Variants in LHFPL2 observed in about 807,000 individuals in gnomAD.
The protein encoded by LHFPL2 is LHFPL tetraspan subfamily member 2, also known as LHFPL tetraspan subfamily member 2 protein.
In LHFPL2, 7 loss-of-function variants were observed where a neutral mutation model predicts 17.5. That is an observed-to-expected ratio of 0.40 (90% confidence interval 0.23 to 0.75). LHFPL2 has a LOEUF of 0.75. LHFPL2 is among the 30% of genes least tolerant of loss of function. The pLI, the probability that LHFPL2 is intolerant of heterozygous loss-of-function variation, is 0.37. For missense variants in LHFPL2, 241 were observed against 294.8 expected (o/e 0.82, Z 1.34); for synonymous variants, 134 against 116.2 (o/e 1.15, Z -0.99).
chr5:78,550,190 G>A (rs1024376122), intron 3 of LHFPL2, among the ~76,000 whole-genome samples: 9 of 152,302 alleles, frequency 5.9e-5, no homozygotes, highest in Non-Finnish European at 1.2e-4. Context: ...CCACCAATCT[G>A]GAGCCTCCCA....
chr5:78,626,891 G>A (rs1326515372), intron 2 of LHFPL2, among the ~76,000 whole-genome samples: 2 of 151,920 alleles, frequency 1.3e-5, no homozygotes, highest in African/African-American at 4.8e-5. Context: ...GACCAGCCTG[G>A]CCAACATGGT....
intron 2 of LHFPL2, among the ~76,000 whole-genome samples, chr5:78,601,662 G>A (rs1007928761): frequency 6.6e-6 from 1 of 152,182 alleles, no homozygotes; most frequent in South Asian, 2.1e-4. Flanking sequence ...TGTCTCTAGG[G>A]TGGGCTGAAC....
At chr5:78,507,794 T>A (rs1430261614) in intron 4 of LHFPL2, among the ~76,000 whole-genome samples, 1 of 152,178 alleles carries the variant, frequency 6.6e-6, no homozygotes, top group Non-Finnish European at 1.5e-5. Context: ...GAGGGAAAAC[T>A]AAACAGAAAT....
chr5:78,516,648 T>C (rs1053456035), intron 3 of LHFPL2, among the ~76,000 whole-genome samples: 4 of 152,352 alleles, frequency 2.6e-5, no homozygotes, highest in African/African-American at 4.8e-5. Context: ...TTCTGATGCG[T>C]ATGTCTATAA....
intron 2 of LHFPL2, among the ~76,000 whole-genome samples, chr5:78,589,467 C>A (rs1488958951): frequency 6.8e-4 from 89 of 131,466 alleles, no homozygotes; most frequent in South Asian, 7.5e-4. Context: ...AACTCCATCT[C>A]AAAAAAAAAA....
At chr5:78,598,511 G>C (rs1743900371) in intron 2 of LHFPL2, among the ~76,000 whole-genome samples, 1 of 152,136 alleles carries the variant, frequency 6.6e-6, no homozygotes, top group South Asian at 2.1e-4. Flanking sequence ...TTTTTCAAAT[G>C]GCCATTAAGT....
chr5:78,500,853 A>G (rs1409241834), intron 4 of LHFPL2, among the ~76,000 whole-genome samples: 1 of 152,180 alleles, frequency 6.6e-6, no homozygotes, highest in Non-Finnish European at 1.5e-5. Context: ...CTCATCAGTT[A>G]CTTATGCCAT....
chr5:78,630,975 G>T (rs987782880), intron 2 of LHFPL2, among the ~76,000 whole-genome samples: 1 of 152,064 alleles, frequency 6.6e-6, no homozygotes, highest in Admixed American at 6.5e-5. Flanking sequence ...CTGCCCTGAG[G>T]GTTTCTACTC....
At chr5:78,571,234 C>T (rs554548523) in intron 2 of LHFPL2, among the ~76,000 whole-genome samples, 6 of 152,104 alleles carry the variant, frequency 3.9e-5, no homozygotes, top group Non-Finnish European at 8.8e-5. Flanking sequence ...TTTTTTTGGC[C>T]TGTGTGGACC....
intron 2 of LHFPL2, among the ~76,000 whole-genome samples, chr5:78,579,306 G>T (rs73146033): frequency 6.6e-6 from 1 of 151,434 alleles, no homozygotes; most frequent in South Asian, 2.1e-4. Flanking sequence ...CTTAGTGCTC[G>T]CAAGGTTTTT....
intron 1 of LHFPL2, among the ~76,000 whole-genome samples, chr5:78,645,547 CACACACA>C (rs1561380774): frequency 6.6e-5 from 2 of 30,464 alleles, no homozygotes; most frequent in East Asian, 4.1e-3. Context: ...GATGCATACA[CACACACA>C]CACACACACA....
intron 2 of LHFPL2, among the ~76,000 whole-genome samples, chr5:78,610,402 T>C (rs765195408): frequency 3.9e-5 from 6 of 152,158 alleles, no homozygotes; most frequent in Admixed American, 1.3e-4. Flanking sequence ...CACTTTTCCA[T>C]AGATGGAGCC....
chr5:78,640,028 G>C (rs557589339), intron 1 of LHFPL2, among the ~76,000 whole-genome samples: 1 of 152,108 alleles, frequency 6.6e-6, no homozygotes, highest in Non-Finnish European at 1.5e-5. Flanking sequence ...CAGGTGCCCC[G>C]ACAACACAGC....
intron 3 of LHFPL2, among the ~76,000 whole-genome samples, chr5:78,523,560 C>A (rs187222957): frequency 6.6e-6 from 1 of 152,184 alleles, no homozygotes; most frequent in African/African-American, 2.4e-5. Context: ...ACAGAGATAA[C>A]CTGCCAAGGG....
intron 2 of LHFPL2, among the ~76,000 whole-genome samples, chr5:78,588,434 A>C (rs1743513115): frequency 1.3e-5 from 2 of 152,228 alleles, no homozygotes; most frequent in South Asian, 4.1e-4. Context: ...AAGTGGAAAA[A>C]GTTCTTGTAC....
intron 1 of LHFPL2, among the ~76,000 whole-genome samples, chr5:78,643,913 T>C (rs341928): frequency 0.57 from 86,124 of 151,800 alleles, 24,599 homozygotes; most frequent in South Asian, 0.62. Flanking sequence ...ATACAAAAAA[T>C]TAGCCAGGTG....
At chr5:78,555,277 T>C (rs771951004) in intron 3 of LHFPL2, among the ~76,000 whole-genome samples, 6 of 152,246 alleles carry the variant, frequency 3.9e-5, no homozygotes, top group Non-Finnish European at 7.3e-5. Context: ...TTAATTTCTA[T>C]AAATGGTAAA....
chr5:78,598,839 C>T (rs1305632338), intron 2 of LHFPL2, among the ~76,000 whole-genome samples: 6 of 152,156 alleles, frequency 3.9e-5, no homozygotes, highest in Admixed American at 3.9e-4. Context: ...TGGTCAATAA[C>T]TGCATGAATT....
intron 3 of LHFPL2, among the ~76,000 whole-genome samples, chr5:78,539,081 C>G (rs1014841050): frequency 1.3e-5 from 2 of 152,148 alleles, no homozygotes; most frequent in Non-Finnish European, 2.9e-5. Flanking sequence ...AGAGGTGTGG[C>G]CTTTGGGAGG....
Sources: allele counts gnomAD v4.1 joint callset (sites outside exome capture counted in the v4.1 genomes callset), GRCh38; gene constraint gnomAD v4.1.1; transcripts MANE v1.5; gene names NCBI Gene and HGNC (gene_info 2026-07-23, HGNC 2026-07-21).